The following ZNF518A variants were observed in gnomAD, a reference collection of about 807,000 sequenced individuals.
ZNF518A encodes zinc finger protein 518.
In ZNF518A, 47 loss-of-function variants were observed where a neutral mutation model predicts 102.7. The observed-to-expected ratio is 0.46, with a 90% CI of 0.36 to 0.58. The LOEUF is 0.58. Ranked by LOEUF, ZNF518A falls within the 20% of genes least tolerant of loss-of-function variation. ZNF518A has a pLI of 0.00. For missense variants in ZNF518A, 1,793 were observed against 1,699.8 expected (o/e 1.05, Z -0.96); for synonymous variants, 652 against 594.6 (o/e 1.10, Z -1.40).
In ZNF518A at chr10:96,201,975, C is replaced by A. The variant is rs587746956; in HGVS notation, n.36-1599C>A. 2.8e-4 allele frequency among the ~76,000 whole-genome samples: 43 copies of A among 152,176 alleles called. 2 individuals are homozygous for A. The South Asian group carries it at 8.7e-3, about 31-fold the overall frequency. On this transcript the variant is annotated intron_variant and non_coding_transcript_variant, in intron 1 of 2. Transcript: ENST00000442635. ...GAAAGGAAGAATATGTGGGTGAGAT[C>A]TGCAGGTGGAGAGGGAGGAGGCACT...
chr10:96,177,758 T>C (rs1374168121), intron 1 of ZNF518A, among the ~76,000 whole-genome samples: 1 of 151,968 alleles, frequency 6.6e-6, no homozygotes, highest in Non-Finnish European at 1.5e-5. Flanking sequence ...TGGGAAAATA[T>C]AGAAAACAGA....
At chr10:96,148,600 GC>G (rs71034361) in intron 3 of ZNF518A, among the ~76,000 whole-genome samples, 152,285 of 152,288 alleles carry the variant, frequency 1, 76,141 homozygotes, top group Middle Eastern at 1. Context: ...CTCATGGAAA[GC>G]CCCTGTCTGA....
chr10:96,136,686 A>G (rs2081612470), intron 3 of ZNF518A, among the ~76,000 whole-genome samples: 1 of 152,058 alleles, frequency 6.6e-6, no homozygotes, highest in South Asian at 2.1e-4. Context: ...AAGATAAGGA[A>G]CAGACTTAAA....
In ZNF518A at chr10:96,200,968, A is replaced by G. The variant is rs1293322401; in HGVS notation, n.36-2606A>G. ...CTGGTAACAATTTAGTGACATCAAG[A>G]GTTCATTTCATACCTGTTCTGAAAT... On this transcript the variant is annotated intron_variant and non_coding_transcript_variant, in intron 1 of 2. Transcript: ENST00000442635. This position sits in a 1 kb window ranked among gnomAD's most constrained non-coding sequence, Gnocchi z 4.3. 1.2e-6 allele frequency: 2 copies of G among 1,610,240 alleles called. No individual in the cohort carries two copies. Among genetic ancestry groups the G allele is most frequent in the East Asian group, 4.5e-5 (2 of 44,870 alleles).
At position 96,156,677 on chromosome 10, in the gene ZNF518A, T is replaced by G; in HGVS notation, c.355T>G (p.Phe119Val). The G allele has an allele frequency of 6.2e-7, 1 of 1,613,578 alleles. No individual in the cohort carries two copies. The highest frequency in any genetic ancestry group is 8.5e-7 in the Non-Finnish European group (1 of 1,179,702). The change falls in exon 6 of 6, where the codon TTC (phenylalanine) becomes GTC (valine). Residue 119 changes from phenylalanine to valine, a missense_variant. Physicochemically the swap from Phe to Val is conservative, Grantham distance 50. Transcript: ENST00000316045. ...AAAAATGTCTGCAAAAATACTCAAT[T>G]TCAGCTGTTTAAAATGCCGAGACAA... ...GVKMSAKILN[F>V]SCLKCRDNTR...
chr10:96,136,729 T>G (rs1312794094), intron 3 of ZNF518A, among the ~76,000 whole-genome samples: 1 of 152,166 alleles, frequency 6.6e-6, no homozygotes, highest in African/African-American at 2.4e-5. Context: ...ACGTTCATTT[T>G]GGGCTCCAGA....
chr10:96,132,515 A>G (rs1554872456), intron 1 of ZNF518A, 71 bp from the exon 2 acceptor site: 2 of 148,094 alleles, frequency 1.4e-5, no homozygotes, highest in Admixed American at 6.7e-5. Flanking sequence ...TTATACACCT[A>G]AGTTGAATGT....
At chr10:96,185,886 G>A (rs1422877393) in intron 1 of ZNF518A, among the ~76,000 whole-genome samples, 1 of 152,228 alleles carries the variant, frequency 6.6e-6, no homozygotes, top group Admixed American at 6.5e-5. Flanking sequence ...CCCAGTTCGA[G>A]CTTCCAGGCT....
chr10:96,150,636 G>A (rs1213719424), intron 3 of ZNF518A, among the ~76,000 whole-genome samples: 9 of 143,110 alleles, frequency 6.3e-5, no homozygotes, highest in African/African-American at 2.1e-4. Context: ...ATGACAGTCA[G>A]TATGCTCTTT....
Position 96,156,561 on chromosome 10 carries a change from CT to C in ZNF518A, c.240del (p.Ala81GlnfsTer7). 1 of 1,613,128 alleles carries C rather than the reference CT, an allele frequency of 6.2e-7. No individual in the cohort carries two copies. The highest frequency in any genetic ancestry group is 8.5e-7 in the Non-Finnish European group (1 of 1,179,554). On this transcript the variant is annotated frameshift_variant, in exon 6 of 6. Coordinates refer to ENST00000316045, the MANE Select transcript of ZNF518A (RefSeq NM_001330736.2). LOFTEE classifies it high-confidence loss of function. ...YRKLFQSKQQ[T>X]ARKSISIKTV... Reference sequence around the variant, plus strand: ...AAATTATTTCAGAGTAAACAGCAGACTGCAAGAAAATCTATCAGTATAAAGA... The same window carrying C: ...AAATTATTTCAGAGTAAACAGCAGACGCAAGAAAATCTATCAGTATAAAGA...
chr10:96,189,000 T>A (rs2133900824), intron 1 of ZNF518A, among the ~76,000 whole-genome samples: 1 of 152,298 alleles, frequency 6.6e-6, no homozygotes, highest in Admixed American at 6.5e-5. Context: ...CTCCAGTCCC[T>A]CATCTTCATG....
chr10:96,145,831 T>A (rs1206353304), intron 3 of ZNF518A, among the ~76,000 whole-genome samples: 1 of 152,236 alleles, frequency 6.6e-6, no homozygotes, highest in African/African-American at 2.4e-5. Context: ...TTTCATAAAA[T>A]TGCAGTCTAG....
In ZNF518A at chr10:96,161,051, AT is replaced by A. The variant is rs1248174475; in HGVS notation, c.*281del. The A allele has an allele frequency of 1.7e-5, 5 of 287,394 alleles. No individual in the cohort carries two copies. The highest frequency in any genetic ancestry group is 5.1e-5 in the Admixed American group (1 of 19,764). The allele number at this position is 287,394 out of a possible 1,614,324, so 17.8% of individuals were successfully genotyped here. A position where few individuals can be genotyped will look rare whatever the true frequency, so the allele number is the denominator to read the frequency against. ...TCTCGGGAAGTTAGGGCTAAAGAAAATTTTGATAAAACAATTTTCCCACTTT... is the reference window on the plus strand; with the variant it reads ...TCTCGGGAAGTTAGGGCTAAAGAAAATTTGATAAAACAATTTTCCCACTTT... On this transcript the variant is annotated 3_prime_UTR_variant, in exon 6 of 6. Transcript: ENST00000316045.
chr10:96,142,308 GTGT>G (rs1564748348), intron 3 of ZNF518A, among the ~76,000 whole-genome samples: 1,324 of 94,270 alleles, frequency 0.014, 18 homozygotes, highest in East Asian at 0.038. Flanking sequence ...TTCTTAGGGT[GTGT>G]GTGTGTGTGT....
chr10:96,144,438 A>G (rs781925792), intron 3 of ZNF518A, among the ~76,000 whole-genome samples: 33 of 152,332 alleles, frequency 2.2e-4, no homozygotes, highest in Middle Eastern at 6.8e-3. Context: ...TGATACTGAT[A>G]TATCCATATT....
chr10:96,194,813 C>T (rs2083420611), intron 1 of ZNF518A, among the ~76,000 whole-genome samples: 1 of 127,840 alleles, frequency 7.8e-6, no homozygotes, highest in Admixed American at 1.0e-4. Context: ...CTCTGTCGCC[C>T]AGGCTGGAGT....
At chr10:96,145,356 C>T (rs1326934879) in intron 3 of ZNF518A, among the ~76,000 whole-genome samples, 3 of 152,258 alleles carry the variant, frequency 2.0e-5, no homozygotes, top group African/African-American at 7.2e-5. Flanking sequence ...AGGCGTGAGC[C>T]ACCGCTCCTG....
intron 3 of ZNF518A, among the ~76,000 whole-genome samples, chr10:96,135,526 T>C (rs2081555661): frequency 6.6e-6 from 1 of 152,250 alleles, no homozygotes; most frequent in South Asian, 2.1e-4. Context: ...ATTCATCATT[T>C]GTGCATGCAT....
chr10:96,199,017 A>G (rs1554895381), intron 1 of ZNF518A, among the ~76,000 whole-genome samples: 1 of 152,198 alleles, frequency 6.6e-6, no homozygotes, highest in African/African-American at 2.4e-5. Flanking sequence ...AGTTTTGAAT[A>G]TAAAGGAACT....
Sources: gnomAD v4.1 joint callset for allele counts (sites outside exome capture counted in the v4.1 genomes callset) on GRCh38, gnomAD v4.1.1 for gene constraint, Gnocchi (gnomAD v3.1) non-coding constraint, MANE v1.5 for transcripts, NCBI Gene and HGNC (gene_info 2026-07-23, HGNC 2026-07-21) for gene names.